C10orf90: variants seen among roughly 807,000 people sequenced by gnomAD.
The protein encoded by C10orf90 is chromosome 10 open reading frame 90, also known as (E2-independent) E3 ubiquitin-conjugating enzyme FATS.
C10orf90 carries 56 observed loss-of-function variants against 62.5 expected under a neutral mutation model. That is an observed-to-expected ratio of 0.90 (90% CI 0.72 to 1.12). The LOEUF is 1.12. Among genes scored for constraint, C10orf90 ranks in the 50% most tolerant of loss-of-function variants. The pLI is 0.00. For missense variants in C10orf90, 970 were observed against 880.4 expected (o/e 1.10, Z -1.29); for synonymous variants, 386 against 340.4 (o/e 1.13, Z -1.47).
chr10:126,576,758 A>AT (rs367880921), intron 2 of C10orf90, among the ~76,000 whole-genome samples: 6,854 of 74,020 alleles, frequency 0.093, 128 homozygotes, highest in African/African-American at 0.2. Context: ...ACATATAGAT[A>AT]ATATGTATAT....
chr10:126,483,499 A>G (rs530222277), intron 4 of C10orf90, among the ~76,000 whole-genome samples: 1 of 152,354 alleles, frequency 6.6e-6, no homozygotes, highest in Non-Finnish European at 1.5e-5. Flanking sequence ...AAAAGCAGAA[A>G]GCTCATTTGC....
At chr10:126,596,699 G>A (rs1052497020) in intron 2 of C10orf90, among the ~76,000 whole-genome samples, 6 of 152,114 alleles carry the variant, frequency 3.9e-5, no homozygotes, top group Non-Finnish European at 8.8e-5. Context: ...GTAATTTATT[G>A]AATACTGTAG....
chr10:126,630,606 C>A lies in C10orf90; in HGVS notation c.313+15959G>T, dbSNP rs796451382. On this transcript the variant is annotated intron_variant, in intron 2 of 9. Transcript: ENST00000488181. ...AGTCAACAATTACCATGAGTGATCA[C>A]CCAGTGCTGTCTGTGGCTCTGAAGC... 4.6e-5 allele frequency among the ~76,000 whole-genome samples: 7 copies of A among 152,274 alleles called. 1 individual carries two copies. The highest frequency in any genetic ancestry group is 1.4e-4 in the African/African-American group (6 of 41,560).
chr10:126,608,672 CAG>C (rs1845367775), intron 2 of C10orf90, among the ~76,000 whole-genome samples: 1 of 152,120 alleles, frequency 6.6e-6, no homozygotes, highest in South Asian at 2.1e-4. Context: ...TATGCAGAAG[CAG>C]ATATGAAATC....
At chr10:126,579,891 T>G (rs1326501096) in intron 2 of C10orf90, among the ~76,000 whole-genome samples, 1 of 152,194 alleles carries the variant, frequency 6.6e-6, no homozygotes, top group African/African-American at 2.4e-5. Context: ...TCCCATTTCA[T>G]AGACGAGGGT....
intron 2 of C10orf90, among the ~76,000 whole-genome samples, chr10:126,530,495 G>A (rs1351259421): frequency 6.6e-6 from 1 of 151,728 alleles, no homozygotes; most frequent in Non-Finnish European, 1.5e-5. Context: ...TATACAAATT[G>A]CTTGAAAAAA....
intron 2 of C10orf90, among the ~76,000 whole-genome samples, chr10:126,585,108 G>A (rs960121035): frequency 3.3e-5 from 5 of 151,848 alleles, no homozygotes; most frequent in Non-Finnish European, 7.4e-5. Context: ...TTCCTGCTGG[G>A]AATTCCAACT....
intron 7 of C10orf90, among the ~76,000 whole-genome samples, chr10:126,440,809 C>T (rs780767954): frequency 7.2e-5 from 11 of 152,074 alleles, no homozygotes; most frequent in South Asian, 2.1e-4. Flanking sequence ...TACAGCTCAG[C>T]GCTCAGGAAG....
chr10:126,469,823 T>C (rs1355374629), intron 4 of C10orf90: 1 of 456,024 alleles, frequency 2.2e-6, no homozygotes, highest in Non-Finnish European at 4.4e-6. Flanking sequence ...ATTGGCAGGC[T>C]TGGGTGTCTG....
rs904233643 is a variant in C10orf90, at chr10:126,504,635, G to C, written c.856C>G (p.His286Asp). 9.9e-6 allele frequency: 16 copies of C among 1,614,228 alleles called. No individual in the cohort carries two copies. The highest frequency in any genetic ancestry group is 1.4e-5 in the Non-Finnish European group (16 of 1,180,042). ...ALANGAHPGR[H>D]QRSFACTEFS... The stretch of plus-strand genomic sequence containing the variant: ...TCTGTGCAGGCAAAAGATCTCTGAT[G>C]CCGACCTGGATGGGCGCCATTGGCC... The change falls in exon 4 of 10, where the codon CAT becomes GAT. Residue 286 changes from histidine (H) to aspartate (D), a missense_variant. His to Asp is a moderately conservative substitution (Grantham distance 81). Coordinates refer to ENST00000488181, the MANE Select transcript of C10orf90 (RefSeq NM_001350921.2). This position sits in a 1 kb window ranked among gnomAD's most constrained non-coding sequence, Gnocchi z 4.1.
At position 126,474,738 on chromosome 10, in the gene C10orf90, A is replaced by G. The variant is rs550710764; in HGVS notation, c.1535-9752T>C. The stretch of plus-strand genomic sequence containing the variant: ...ATCTTTTAAAAGAAAAAGATTTTCA[A>G]TGTGGCTTGTAAAACAAGGGAACTT... On this transcript the variant is annotated intron_variant, in intron 4 of 9. Coordinates refer to ENST00000488181, the MANE Select transcript of C10orf90 (RefSeq NM_001350921.2). 1.6e-4 allele frequency among the ~76,000 whole-genome samples: 25 copies of G among 152,370 alleles called. 2 individuals carry two copies. The South Asian group carries it at 5.0e-3, about 30-fold the overall frequency.
At chr10:126,615,783 T>C (rs945336735) in intron 2 of C10orf90, among the ~76,000 whole-genome samples, 1 of 152,172 alleles carries the variant, frequency 6.6e-6, no homozygotes, top group Non-Finnish European at 1.5e-5. Context: ...AAAGGCATTA[T>C]GGGAGTAGAG....
At chr10:126,434,493 T>G (rs531876316) in intron 7 of C10orf90, among the ~76,000 whole-genome samples, 2 of 152,354 alleles carry the variant, frequency 1.3e-5, no homozygotes, top group African/African-American at 4.8e-5. Context: ...TCCAGAAGCC[T>G]ATTTTCTGAA....
chr10:126,595,947 A>G (rs1845075965), intron 2 of C10orf90, among the ~76,000 whole-genome samples: 1 of 152,138 alleles, frequency 6.6e-6, no homozygotes, highest in South Asian at 2.1e-4. Flanking sequence ...CACACCACAC[A>G]TGAAAATTAA....
chr10:126,478,983 A>G (rs1345750918), intron 4 of C10orf90, among the ~76,000 whole-genome samples: 1 of 152,022 alleles, frequency 6.6e-6, no homozygotes, highest in African/African-American at 2.4e-5. Context: ...CTCTCTTCTC[A>G]CCTTCAAAGA....
At chr10:126,664,245 T>G (rs146871076) in intron 1 of C10orf90, among the ~76,000 whole-genome samples, 292 of 152,144 alleles carry the variant, frequency 1.9e-3, no homozygotes, top group African/African-American at 6.5e-3. Flanking sequence ...GGAAAGGAAG[T>G]GTTTTGCCCC....
chr10:126,510,563 C>T (rs1293757508), intron 3 of C10orf90, among the ~76,000 whole-genome samples: 2 of 152,134 alleles, frequency 1.3e-5, no homozygotes, highest in Admixed American at 6.5e-5. Flanking sequence ...TATGGTAGAA[C>T]GTTCGCATTG....
chr10:126,633,007 G>A (rs1190957482), intron 2 of C10orf90, among the ~76,000 whole-genome samples: 1 of 152,144 alleles, frequency 6.6e-6, no homozygotes, highest in Non-Finnish European at 1.5e-5. Context: ...TGGCACTGTG[G>A]CAACAGATAC....
chr10:126,431,710 A>G (rs889095423), intron 7 of C10orf90, among the ~76,000 whole-genome samples: 3 of 152,226 alleles, frequency 2.0e-5, no homozygotes, highest in African/African-American at 4.8e-5. Flanking sequence ...GATTAAAAAC[A>G]TTACCAATAC....
Sources: allele counts gnomAD v4.1 joint callset (sites outside exome capture counted in the v4.1 genomes callset), GRCh38; gene constraint gnomAD v4.1.1; non-coding constraint Gnocchi (gnomAD v3.1); transcripts MANE v1.5; gene names NCBI Gene and HGNC (gene_info 2026-07-23, HGNC 2026-07-21).